Variants in UVRAG observed in about 807,000 individuals in gnomAD.
UVRAG encodes UV radiation resistance associated.
A neutral mutation model predicts 78.0 loss-of-function variants in UVRAG; 19 were observed. That is an observed-to-expected ratio of 0.24 (90% CI 0.17 to 0.36). UVRAG has a LOEUF of 0.36. Ranked by LOEUF, UVRAG falls within the 10% of genes least tolerant of loss-of-function variation. The probability of loss-of-function intolerance (pLI) is 1.00; values close to 1 mark genes in which losing one functional copy is unlikely to be tolerated. For missense variants in UVRAG, 740 were observed against 853.8 expected (o/e 0.87, Z 1.66); for synonymous variants, 323 against 324.6 (o/e 1.00, Z 0.05).
intron 12 of UVRAG, among the ~76,000 whole-genome samples, chr11:76,034,942 C>A (rs1249898206): frequency 1.3e-5 from 2 of 152,034 alleles, no homozygotes; most frequent in African/African-American, 4.8e-5. Flanking sequence ...TTAAACACAC[C>A]AATAAGCAAC....
At chr11:76,056,203 T>C (rs1427190195) in intron 12 of UVRAG, among the ~76,000 whole-genome samples, 1 of 152,234 alleles carries the variant, frequency 6.6e-6, no homozygotes, top group African/African-American at 2.4e-5. Context: ...ATGAACTTCT[T>C]TACATAAGGC....
At chr11:75,868,047 T>C (rs1946572419) in intron 3 of UVRAG, among the ~76,000 whole-genome samples, 1 of 152,182 alleles carries the variant, frequency 6.6e-6, no homozygotes, top group South Asian at 2.1e-4. Context: ...TGTGAAAAAA[T>C]ACGCACGTTA....
At chr11:76,042,927 C>G (rs2134333985) in intron 12 of UVRAG, among the ~76,000 whole-genome samples, 1 of 152,280 alleles carries the variant, frequency 6.6e-6, no homozygotes, top group African/African-American at 2.4e-5. Flanking sequence ...CTAAGGATGG[C>G]AGAGTGGAAA....
chr11:76,127,382 G>A (rs185493047), intron 14 of UVRAG, among the ~76,000 whole-genome samples: 8 of 152,312 alleles, frequency 5.3e-5, no homozygotes, highest in Non-Finnish European at 8.8e-5. Flanking sequence ...GGCCGGGCAC[G>A]GTGGCTCACG....
At chr11:75,907,131 TA>T (rs1259068830) in intron 5 of UVRAG, among the ~76,000 whole-genome samples, 3 of 152,230 alleles carry the variant, frequency 2.0e-5, no homozygotes, top group Admixed American at 2.0e-4. Flanking sequence ...TTGATAATAT[TA>T]AGTCTTTATA....
At chr11:76,003,247 G>A (rs997516381) in intron 8 of UVRAG, among the ~76,000 whole-genome samples, 9 of 129,770 alleles carry the variant, frequency 6.9e-5, no homozygotes, top group Non-Finnish European at 4.8e-5. Context: ...TGATTTTCAC[G>A]AAAATACTGA....
intron 5 of UVRAG, among the ~76,000 whole-genome samples, chr11:75,907,305 T>G (rs1025795719): frequency 1.3e-5 from 2 of 152,204 alleles, no homozygotes; most frequent in African/African-American, 4.8e-5. Flanking sequence ...GGGGAAGATT[T>G]TGAGTCTTTC....
At chr11:75,999,364 T>C (rs1161688923) in intron 8 of UVRAG, among the ~76,000 whole-genome samples, 2 of 152,018 alleles carry the variant, frequency 1.3e-5, no homozygotes, top group Non-Finnish European at 2.9e-5. Context: ...TATACTTTTT[T>C]CAGTTGTTTT....
intron 6 of UVRAG, among the ~76,000 whole-genome samples, chr11:75,932,338 G>C (rs1353050670): frequency 1.3e-5 from 2 of 151,926 alleles, no homozygotes; most frequent in Admixed American, 1.3e-4. Context: ...AGGCTGGAGT[G>C]CAGTGGTGCG....
chr11:76,007,494 A>G (rs755964555), intron 9 of UVRAG, 40 bp from the exon 10 acceptor site: 14 of 1,449,040 alleles, frequency 9.7e-6, no homozygotes, highest in South Asian at 8.3e-5. Context: ...GCATGCAAGC[A>G]TATATTTTTT....
chr11:75,817,726 T>C (rs553956895), intron 1 of UVRAG, among the ~76,000 whole-genome samples: 3 of 152,142 alleles, frequency 2.0e-5, no homozygotes, highest in East Asian at 3.9e-4. Context: ...GGAACAGTTA[T>C]GTAAGTACTA....
intron 1 of UVRAG, among the ~76,000 whole-genome samples, chr11:75,827,731 C>T (rs1034796360): frequency 4.6e-5 from 7 of 152,162 alleles, no homozygotes; most frequent in African/African-American, 1.7e-4. Context: ...GCACAGGATT[C>T]GGAACTGTAT....
intron 11 of UVRAG, among the ~76,000 whole-genome samples, chr11:76,016,238 G>T (rs188620778): frequency 6.8e-4 from 103 of 152,128 alleles, no homozygotes; most frequent in African/African-American, 2.4e-3. Context: ...TTTTGCTTTT[G>T]CTGTTTAAAG....
chr11:75,889,467 A>G (rs780195610), intron 5 of UVRAG, among the ~76,000 whole-genome samples: 4 of 152,224 alleles, frequency 2.6e-5, no homozygotes, highest in Admixed American at 6.5e-5. Flanking sequence ...TAGTTAAGGA[A>G]AAAAGTTGTT....
At chr11:75,983,633 A>T in intron 8 of UVRAG, 120 bp downstream of exon 8, 1 of 1,304,772 alleles carries the variant, frequency 7.7e-7, no homozygotes, top group Non-Finnish European at 1.0e-6. Context: ...ACTTAATGAC[A>T]GGGATATATT....
At chr11:76,074,750 T>C (rs2134398501) in intron 13 of UVRAG, among the ~76,000 whole-genome samples, 1 of 152,310 alleles carries the variant, frequency 6.6e-6, no homozygotes, top group South Asian at 2.1e-4. Context: ...ATTTGGGCCT[T>C]CCTACAATTC....
At chr11:76,062,184 A>G (rs962455635) in intron 12 of UVRAG, among the ~76,000 whole-genome samples, 4 of 152,136 alleles carry the variant, frequency 2.6e-5, no homozygotes, top group Non-Finnish European at 5.9e-5. Context: ...TTTCCTTATT[A>G]CGATACTTAC....
At chr11:75,928,568 C>T (rs1948161776) in intron 6 of UVRAG, among the ~76,000 whole-genome samples, 1 of 150,686 alleles carries the variant, frequency 6.6e-6, no homozygotes, top group Non-Finnish European at 1.5e-5. Context: ...GGTTTGAGAC[C>T]AGCCTAGGTA....
intron 2 of UVRAG, 149 bp from the exon 3 acceptor site, chr11:75,861,597 A>C (rs1946423603): frequency 2.2e-6 from 1 of 451,962 alleles, no homozygotes; most frequent in Non-Finnish European, 3.8e-6. Flanking sequence ...TTTTTTTTTT[A>C]ACAGATAAAG....
Sources: allele counts gnomAD v4.1 joint callset (sites outside exome capture counted in the v4.1 genomes callset), GRCh38; gene constraint gnomAD v4.1.1; transcripts MANE v1.5; gene names NCBI Gene and HGNC (gene_info 2026-07-23, HGNC 2026-07-21).